Variants in UQCRC2 observed in about 807,000 individuals in gnomAD.
The protein encoded by UQCRC2 is ubiquinol-cytochrome c reductase core protein 2, also known as cytochrome b-c1 complex subunit 2, mitochondrial.
UQCRC2 carries 49 observed loss-of-function variants against 55.6 expected under a neutral mutation model. The ratio of observed to expected loss-of-function variants is 0.88; its 90% CI spans 0.70 to 1.12. The LOEUF is 1.12. UQCRC2 is among the 50% of genes most tolerant of loss of function. UQCRC2 has a pLI of 0.00. For missense variants in UQCRC2, 506 were observed against 547.8 expected (o/e 0.92, Z 0.76); for synonymous variants, 193 against 192.0 (o/e 1.01, Z -0.04).
chr16:21,976,741 C>A (rs1422358554), intron 12 of UQCRC2: 1 of 152,302 alleles, frequency 6.6e-6, no homozygotes, highest in Non-Finnish European at 1.5e-5. Flanking sequence ...AAGTTAGGGA[C>A]CATCTGTATA....
chr16:21,963,636 A>G (rs1898256410), intron 6 of UQCRC2, among the ~76,000 whole-genome samples: 1 of 151,476 alleles, frequency 6.6e-6, no homozygotes, highest in Non-Finnish European at 1.5e-5. Flanking sequence ...GCTAATTTTT[A>G]TTTTTATTTT....
intron 12 of UQCRC2, among the ~76,000 whole-genome samples, chr16:21,977,914 T>C (rs539271847): frequency 6.6e-6 from 1 of 152,292 alleles, no homozygotes; most frequent in African/African-American, 2.4e-5. Flanking sequence ...ATTGTATACA[T>C]AGAACCAAGA....
chr16:21,960,569 G>C (rs879376804), intron 4 of UQCRC2, among the ~76,000 whole-genome samples: 3 of 152,210 alleles, frequency 2.0e-5, no homozygotes, highest in Non-Finnish European at 4.4e-5. Context: ...TGGTGCAAGA[G>C]GCCTAGCTTT....
intron 4 of UQCRC2, 24 bp from the exon 5 acceptor site, chr16:21,962,436 A>G: frequency 1.2e-6 from 2 of 1,613,634 alleles, no homozygotes; most frequent in Non-Finnish European, 1.7e-6. Context: ...CAGATGATTT[A>G]CTCTAGTTTA....
At position 21,958,567 on chromosome 16, in the gene UQCRC2, C is replaced by G; in HGVS notation, c.300C>G (p.Thr100=). 6.2e-7 allele frequency: 1 copy of G among 1,612,096 alleles called. No individual in the cohort carries two copies. Among genetic ancestry groups the G allele is most frequent in the Non-Finnish European group, 8.5e-7 (1 of 1,179,402 alleles). ...AAGGAGCTTCATCTTTCAAGATAAC[C>G]CGTGGAATTGAAGCAGTTGGTGGCA... ...TTKGASSFKI[T]RGIEAVGGKL... is the part of the protein sequence containing the mutation. Residue 100 remains threonine, a synonymous_variant, in exon 4 of 14, where the codon ACC becomes ACG. Transcript: ENST00000268379.
intron 13 of UQCRC2, among the ~76,000 whole-genome samples, chr16:21,982,656 A>G (rs1319348913): frequency 1.3e-5 from 2 of 152,166 alleles, no homozygotes; most frequent in Non-Finnish European, 2.9e-5. Flanking sequence ...CTATTATAGT[A>G]ATTGCTGGCT....
chr16:21,969,920 G>A (rs1898418653), intron 8 of UQCRC2, among the ~76,000 whole-genome samples: 1 of 151,476 alleles, frequency 6.6e-6, no homozygotes, highest in African/African-American at 2.4e-5. Context: ...TGCCCAAGCT[G>A]GAGCACAGTG....
At chr16:21,975,511 G>A (rs1898560610) in intron 11 of UQCRC2, among the ~76,000 whole-genome samples, 1 of 152,122 alleles carries the variant, frequency 6.6e-6, no homozygotes, top group African/African-American at 2.4e-5. Context: ...AGCCAGCACT[G>A]GGATGGAGAA....
chr16:21,964,689 TC>T (rs1194655803), intron 6 of UQCRC2, among the ~76,000 whole-genome samples: 39 of 152,318 alleles, frequency 2.6e-4, no homozygotes, highest in African/African-American at 9.4e-4. Flanking sequence ...GTTTTCCAAT[TC>T]CCACTGCCCT....
chr16:21,973,984 G>A lies in UQCRC2; in HGVS notation c.1047+8G>A, dbSNP rs1445547712. On this transcript the variant is annotated splice_region_variant and intron_variant, in intron 11 of 13. Coordinates refer to ENST00000268379, the MANE Select transcript of UQCRC2 (RefSeq NM_003366.4). ...GCCACAGCTGCTGGAGATGTAAGTT[G>A]CAAACTCACCAAACTTCTTTCATGA... 1 of 1,601,132 alleles carries A rather than the reference G, an allele frequency of 6.2e-7. No individual in the cohort carries two copies. Among genetic ancestry groups the A allele is most frequent in the Admixed American group, 1.8e-5 (1 of 55,500 alleles).
intron 13 of UQCRC2, among the ~76,000 whole-genome samples, chr16:21,981,698 G>C (rs959575335): frequency 5.9e-5 from 9 of 151,792 alleles, no homozygotes; most frequent in Non-Finnish European, 1.0e-4. Context: ...GGGAGGCAGA[G>C]GTTGCAGCGA....
Position 21,953,456 on chromosome 16 carries a change from G to A in UQCRC2, c.33G>A (p.Ser11=), listed in dbSNP as rs577618620. The A allele has an allele frequency of 6.2e-7, 1 of 1,612,700 alleles. No homozygotes were observed. The highest frequency in any genetic ancestry group is 1.7e-5 in the Admixed American group (1 of 59,836). MKLLTRAGSF[S]RFYSLKVAPK... ...TACTAACCAGAGCCGGCTCTTTCTC[G>A]GTGAGCTCAGGTGGCGGGTTTGGGA... The change falls in exon 1 of 14, where the codon TCG becomes TCA. Residue 11 remains serine, a splice_region_variant and synonymous_variant. Transcript: ENST00000268379.
chr16:21,957,569 G>T lies in UQCRC2; in HGVS notation c.267+3G>T. The T allele has an allele frequency of 1.2e-6, 2 of 1,613,674 alleles. No individual in the cohort carries two copies. The highest frequency in any genetic ancestry group is 1.7e-6 in the Non-Finnish European group (2 of 1,179,892). On this transcript the variant is annotated splice_donor_region_variant and intron_variant, in intron 3 of 13. Transcript: ENST00000268379. ...TGCTGCGTCTTACATCCAGTCTGGT[G>T]AGTATCTTCACTTCCTCAAGTGTTT... is the stretch of plus-strand genomic sequence containing the variant.
intron 6 of UQCRC2, 120 bp from the exon 7 acceptor site, chr16:21,965,288 C>G: frequency 1.2e-6 from 1 of 813,142 alleles, no homozygotes. Context: ...TTTAAGTCCT[C>G]TTAACATATG....
intron 1 of UQCRC2, among the ~76,000 whole-genome samples, chr16:21,955,348 A>G (rs1440139682): frequency 6.6e-6 from 1 of 152,240 alleles, no homozygotes; most frequent in Non-Finnish European, 1.5e-5. Context: ...AACCTAGTAC[A>G]GCACTAATGA....
intron 3 of UQCRC2, among the ~76,000 whole-genome samples, 168 bp downstream of exon 3, chr16:21,957,734 A>G (rs888917095): frequency 6.6e-6 from 1 of 152,216 alleles, no homozygotes; most frequent in Non-Finnish European, 1.5e-5. Context: ...TTACAGTTCT[A>G]GAGGCTAGAA....
Position 21,973,820 on chromosome 16 carries a change from T to C in UQCRC2, c.967-76T>C. Reference sequence around the variant, plus strand: ...TTATACCGTGAAGGTCCAAGTTTTTTCTAGGCAAACTTAAAGAAATCGTGC... The same window carrying C: ...TTATACCGTGAAGGTCCAAGTTTTTCCTAGGCAAACTTAAAGAAATCGTGC... On this transcript the variant is annotated intron_variant, in intron 10 of 13. Coordinates refer to ENST00000268379, the MANE Select transcript of UQCRC2 (RefSeq NM_003366.4). 2.1e-6 allele frequency: 3 copies of C among 1,416,112 alleles called. No homozygotes were observed. In the South Asian group the frequency reaches 3.7e-5, roughly 18 times the overall value. The allele number at this position is 1,416,112 out of a possible 1,614,324, so 87.7% of individuals were successfully genotyped here. A position where few individuals can be genotyped will look rare whatever the true frequency, so the allele number is the denominator to read the frequency against.
chr16:21,978,928 A>G (rs1293237734), intron 12 of UQCRC2, among the ~76,000 whole-genome samples: 1 of 152,220 alleles, frequency 6.6e-6, no homozygotes, highest in African/African-American at 2.4e-5. Flanking sequence ...CACAGAAATA[A>G]ACAGACAGCA....
At chr16:21,957,381 G>A (rs1374674764) in intron 2 of UQCRC2, 36 bp from the exon 3 acceptor site, 1 of 1,613,818 alleles carries the variant, frequency 6.2e-7, no homozygotes, top group South Asian at 1.1e-5. Flanking sequence ...GTAATACGAA[G>A]ACATTCATTA....
Sources: gnomAD v4.1 joint callset for allele counts (sites outside exome capture counted in the v4.1 genomes callset) on GRCh38, gnomAD v4.1.1 for gene constraint, MANE v1.5 for transcripts, NCBI Gene and HGNC (gene_info 2026-07-23, HGNC 2026-07-21) for gene names.